The following RAG1 variants were observed in gnomAD, a reference collection of about 807,000 sequenced individuals.
RAG1 encodes the protein V(D)J recombination-activating protein 1.
A neutral mutation model predicts 62.7 loss-of-function variants in RAG1; 35 were observed. The ratio of observed to expected loss-of-function variants is 0.56; its 90% CI spans 0.43 to 0.74. The LOEUF is 0.74. Ranked by LOEUF, RAG1 falls within the 30% of genes least tolerant of loss-of-function variation. RAG1 has a pLI of 0.00. For synonymous variants in RAG1, 461 were observed against 470.3 expected (o/e 0.98, Z 0.26); for missense variants, 1,169 against 1,278.6 (o/e 0.91, Z 1.31).
chr11:36,539,072 C>G (rs1397072595), downstream of RAG1, among the ~76,000 whole-genome samples: 2 of 152,036 alleles, frequency 1.3e-5, no homozygotes, highest in Admixed American at 1.3e-4. Flanking sequence ...ATTTGTGTAC[C>G]CCTCACATTG....
rs1367517197 is a variant in RAG1 at position 36,576,287 on chromosome 11, T to G, written c.2983T>G (p.Trp995Gly). 1.2e-6 allele frequency: 2 copies of G among 1,614,054 alleles called. No homozygotes were observed. The highest frequency in any genetic ancestry group is 2.2e-5 in the South Asian group (2 of 91,072). ...YEMEDVLKHHWLYTSKYLQKF... is the reference protein window; with the variant it reads ...YEMEDVLKHHGLYTSKYLQKF... ...GATGGAAGATGTCCTGAAACACCAC[T>G]GGTTGTACACCTCCAAATACCTCCA... Residue 995 changes from tryptophan (W) to glycine (G), a missense_variant, in exon 2 of 2, where the codon TGG becomes GGG. Physicochemically the swap from Trp to Gly is radical, Grantham distance 184 (BLOSUM62 -2). Transcript: ENST00000299440.
In RAG1 at chr11:36,573,846, G is replaced by T. The variant is rs374362464; in HGVS notation, c.542G>T (p.Ser181Ile). ...ACTGAGTTCTGCCATAACTGCTGGA[G>T]CATCATGCACAGGAAGTTTAGCAGT... ...HPTEFCHNCWSIMHRKFSSAP... is the reference protein window; with the variant it reads ...HPTEFCHNCWIIMHRKFSSAP... Residue 181 changes from serine (S) to isoleucine (I), a missense_variant, in exon 2 of 2, where the codon AGC becomes ATC. This residue lies in a region of RAG1 where 369 missense variants were observed against 335.3 expected (regional missense o/e 1.10). Transcript: ENST00000299440. The T allele has an allele frequency of 1.3e-5, 21 of 1,614,042 alleles. No homozygotes were observed. The highest frequency in any genetic ancestry group is 8.5e-7 in the Non-Finnish European group (1 of 1,180,036).
At chr11:36,528,538 G>A (rs962612381) in intron 2 of RAG1, among the ~76,000 whole-genome samples, 4 of 152,108 alleles carry the variant, frequency 2.6e-5, no homozygotes, top group African/African-American at 9.7e-5. Flanking sequence ...ACTAGAGAAA[G>A]CAGGAATGAT....
intron 2 of RAG1, among the ~76,000 whole-genome samples, chr11:36,521,415 C>T (rs990350325): frequency 6.6e-6 from 1 of 152,130 alleles, no homozygotes; most frequent in Non-Finnish European, 1.5e-5. Flanking sequence ...AGTCTCCCTG[C>T]CCAAACTCTC....
intron 3 of RAG1, among the ~76,000 whole-genome samples, chr11:36,547,870 T>C (rs1850421293): frequency 2.0e-5 from 3 of 152,056 alleles, no homozygotes; most frequent in Non-Finnish European, 4.4e-5. Context: ...GATGTGAAAA[T>C]CCTCAGTAAA....
At chr11:36,542,382 C>A (rs1850319094) in intron 3 of RAG1, among the ~76,000 whole-genome samples, 1 of 152,146 alleles carries the variant, frequency 6.6e-6, no homozygotes, top group South Asian at 2.1e-4. Flanking sequence ...TTATTATCGA[C>A]CTCTATCTCC....
chr11:36,543,028 G>C (rs1354820327), intron 3 of RAG1, among the ~76,000 whole-genome samples: 2 of 152,166 alleles, frequency 1.3e-5, no homozygotes, highest in Non-Finnish European at 2.9e-5. Flanking sequence ...CGTTTTCTCT[G>C]TCACTTCAGA....
chr11:36,540,561 C>A (rs11033687), downstream of RAG1, among the ~76,000 whole-genome samples: 1 of 152,098 alleles, frequency 6.6e-6, no homozygotes, highest in African/African-American at 2.4e-5. Context: ...CCCGCCACCA[C>A]GCATGGCTAA....
Position 36,528,187 on chromosome 11 carries a change from T to G in RAG1, n.429-7772T>G, listed in dbSNP as rs575336606. Among the ~76,000 whole-genome samples the G allele has an allele frequency of 4.6e-5, 7 of 152,236 alleles. No individual in the cohort carries two copies. The South Asian group carries it at 1.5e-3, about 32-fold the overall frequency. ...CTCTCCACCCCAAATCAACAGAATA[T>G]ACATTCTTCTCAGCACCACATCACA... On this transcript the variant is annotated intron_variant and non_coding_transcript_variant, in intron 2 of 2. Transcript: ENST00000529126.
At chr11:36,532,633 A>T (rs1228572089) in intron 2 of RAG1, among the ~76,000 whole-genome samples, 3 of 152,212 alleles carry the variant, frequency 2.0e-5, no homozygotes, top group Non-Finnish European at 4.4e-5. Flanking sequence ...TATAAATTTT[A>T]AATTGCACAC....
chr11:36,525,965 C>A (rs1335310422), intron 2 of RAG1, among the ~76,000 whole-genome samples: 2 of 152,136 alleles, frequency 1.3e-5, no homozygotes, highest in African/African-American at 4.8e-5. Flanking sequence ...TGTGACTTTT[C>A]TTGTCAGAGT....
rs967437897 is a variant in RAG1, at chr11:36,579,217, A to G, written c.*2781A>G. On this transcript the variant is annotated 3_prime_UTR_variant, in exon 2 of 2. Transcript: ENST00000299440. ...CTTGCATTACATCAAACAGAGTTCA[A>G]ATTCCACACAGATAAGAGGCAGGAT... 2.4e-5 allele frequency: 4 copies of G among 167,084 alleles called. No homozygotes were observed. The highest frequency in any genetic ancestry group is 3.8e-4 in the East Asian group (2 of 5,206). The allele number at this position is 167,084 out of a possible 1,614,324, so 10.4% of individuals were successfully genotyped here.
intron 1 of RAG1, among the ~76,000 whole-genome samples, chr11:36,516,940 G>T (rs182522353): frequency 1.3e-5 from 2 of 152,284 alleles, no homozygotes; most frequent in East Asian, 3.9e-4. Context: ...TCTGTATTTT[G>T]AAACAATTGG....
chr11:36,525,729 C>A (rs1040526833), intron 2 of RAG1, among the ~76,000 whole-genome samples: 1 of 152,096 alleles, frequency 6.6e-6, no homozygotes, highest in African/African-American at 2.4e-5. Flanking sequence ...TATTGAAATA[C>A]AATTTATATT....
downstream of RAG1, among the ~76,000 whole-genome samples, chr11:36,538,521 G>C (rs1243919489): frequency 6.6e-6 from 1 of 152,160 alleles, no homozygotes; most frequent in Non-Finnish European, 1.5e-5. Context: ...ACACTTTGCA[G>C]GTTCCTTTTA....
chr11:36,525,490 A>G (rs887835117), intron 2 of RAG1, among the ~76,000 whole-genome samples: 1 of 152,212 alleles, frequency 6.6e-6, no homozygotes, highest in African/African-American at 2.4e-5. Flanking sequence ...GGGAGAATTC[A>G]TACTTTTACT....
chr11:36,529,517 A>G (rs1332744624), intron 2 of RAG1, among the ~76,000 whole-genome samples: 1 of 152,212 alleles, frequency 6.6e-6, no homozygotes, highest in Non-Finnish European at 1.5e-5. Context: ...GCTACTTATG[A>G]CAAACTCACA....
intron 2 of RAG1, among the ~76,000 whole-genome samples, chr11:36,529,852 G>GT (rs550811228): frequency 1.7e-3 from 259 of 148,258 alleles, no homozygotes; most frequent in African/African-American, 5.9e-3. Flanking sequence ...ATTGGGAATG[G>GT]TTTTTTTTTT....
intron 1 of RAG1, among the ~76,000 whole-genome samples, chr11:36,517,904 T>G (rs1860017585): frequency 6.6e-6 from 1 of 151,986 alleles, no homozygotes; most frequent in Non-Finnish European, 1.5e-5. Context: ...TTGTTACATA[T>G]GTATACATGT....
Sources: allele counts gnomAD v4.1 joint callset (sites outside exome capture counted in the v4.1 genomes callset), GRCh38; gene constraint gnomAD v4.1.1; regional missense constraint gnomAD v4.1.1; transcripts MANE v1.5; gene names NCBI Gene and HGNC (gene_info 2026-07-23, HGNC 2026-07-21).